Variants in RTN1 observed in about 807,000 individuals in gnomAD.
The protein encoded by RTN1 is reticulon 1.
RTN1 carries 25 observed loss-of-function variants against 65.5 expected under a neutral mutation model. The observed-to-expected ratio is 0.38, with a 90% CI of 0.28 to 0.53. RTN1 has a LOEUF of 0.53. Ranked by LOEUF, RTN1 falls within the 20% of genes least tolerant of loss-of-function variation. RTN1 has a pLI of 0.79. For missense variants in RTN1, 983 were observed against 1,025.4 expected, an observed-to-expected ratio of 0.96 and a Z score of 0.57; for synonymous variants, 471 against 447.6, an observed-to-expected ratio of 1.05 and a Z score of -0.66.
intron 1 of RTN1, among the ~76,000 whole-genome samples, chr14:59,811,756 C>CAA (rs1886733344): frequency 6.6e-6 from 1 of 152,152 alleles, no homozygotes; most frequent in Non-Finnish European, 1.5e-5. Flanking sequence ...CAACATGTCT[C>CAA]CACTTATGGT....
chr14:59,729,539 G>A (rs188278252), intron 2 of RTN1, among the ~76,000 whole-genome samples: 11 of 152,300 alleles, frequency 7.2e-5, no homozygotes, highest in Admixed American at 2.0e-4. Context: ...TTCAGACAGC[G>A]GAAAAGTGTG....
chr14:59,696,242 T>C (rs974349581), intron 3 of RTN1, among the ~76,000 whole-genome samples: 8 of 152,218 alleles, frequency 5.3e-5, no homozygotes, highest in Non-Finnish European at 2.9e-5. Context: ...ACCTTGCTTT[T>C]AAAAGCTGCA....
At chr14:59,749,256 C>CTA (rs1371380044) in intron 1 of RTN1, among the ~76,000 whole-genome samples, 3 of 33,912 alleles carry the variant, frequency 8.8e-5, no homozygotes, top group African/African-American at 4.8e-4. Flanking sequence ...ATCTATATAT[C>CTA]TATATATATC....
At chr14:59,610,786 G>A (rs978208577) in intron 3 of RTN1, among the ~76,000 whole-genome samples, 1 of 152,198 alleles carries the variant, frequency 6.6e-6, no homozygotes, top group African/African-American at 2.4e-5. Flanking sequence ...TCATGCAGCT[G>A]GAGGCTACAA....
chr14:59,799,506 C>G (rs895683601), intron 1 of RTN1, among the ~76,000 whole-genome samples: 1 of 152,184 alleles, frequency 6.6e-6, no homozygotes, highest in Non-Finnish European at 1.5e-5. Flanking sequence ...TGAATTCTTT[C>G]ACCTTTAATA....
At chr14:59,767,374 A>G (rs1885869292) in intron 1 of RTN1, among the ~76,000 whole-genome samples, 1 of 152,196 alleles carries the variant, frequency 6.6e-6, no homozygotes, top group Non-Finnish European at 1.5e-5. Flanking sequence ...GATGAAGGCA[A>G]TACCCAAAGG....
intron 1 of RTN1, among the ~76,000 whole-genome samples, chr14:59,767,465 T>C (rs960388332): frequency 2.0e-4 from 30 of 152,254 alleles, no homozygotes; most frequent in African/African-American, 6.8e-4. Flanking sequence ...ACCTCTGAAC[T>C]GATAAATCAG....
intron 1 of RTN1, among the ~76,000 whole-genome samples, chr14:59,782,833 T>G (rs1886181977): frequency 6.6e-6 from 1 of 151,446 alleles, no homozygotes; most frequent in Non-Finnish European, 1.5e-5. Flanking sequence ...TGGTGCAGTT[T>G]CTCTCTCTCT....
At chr14:59,793,189 T>G (rs184055444) in intron 1 of RTN1, among the ~76,000 whole-genome samples, 1 of 152,292 alleles carries the variant, frequency 6.6e-6, no homozygotes, top group Admixed American at 6.5e-5. Context: ...CTTTTACTAA[T>G]TAACATCAAG....
rs577337987 is a variant in RTN1 at position 59,648,287 on chromosome 14, G to A, written c.1766-40795C>T. Among the ~76,000 whole-genome samples, 4 of 152,274 alleles carry A rather than the reference G, an allele frequency of 2.6e-5. 1 individual carries two copies. In the East Asian group the frequency reaches 7.7e-4, roughly 29 times the overall value. ...CAGACCAATAATGAGCTTTGAAATT[G>A]AATCAGTAATAAATAGTCTATCAAC... is the stretch of plus-strand genomic sequence containing the variant. On this transcript the variant is annotated intron_variant, in intron 3 of 8. Coordinates refer to ENST00000267484, the MANE Select transcript of RTN1 (RefSeq NM_021136.3).
chr14:59,778,280 T>C (rs764598001), intron 1 of RTN1, among the ~76,000 whole-genome samples: 3 of 152,226 alleles, frequency 2.0e-5, no homozygotes, highest in Non-Finnish European at 2.9e-5. Context: ...GTATGCTTCA[T>C]GACAGCAGGG....
At chr14:59,637,460 T>A (rs752889179) in intron 3 of RTN1, among the ~76,000 whole-genome samples, 2 of 152,212 alleles carry the variant, frequency 1.3e-5, no homozygotes, top group African/African-American at 2.4e-5. Context: ...ACGCCTGTAA[T>A]CCCAGCACTT....
At chr14:59,661,161 A>G (rs930784742) in intron 3 of RTN1, among the ~76,000 whole-genome samples, 10 of 151,506 alleles carry the variant, frequency 6.6e-5, no homozygotes, top group African/African-American at 2.2e-4. Context: ...ATTCCTGGAC[A>G]CATACACCCT....
intron 3 of RTN1, among the ~76,000 whole-genome samples, chr14:59,690,416 T>C (rs73309699): frequency 0.019 from 2,932 of 152,218 alleles, 95 homozygotes; most frequent in African/African-American, 0.067. Context: ...TAAATATATA[T>C]GCACCCAACA....
At chr14:59,661,747 G>A (rs1025560638) in intron 3 of RTN1, among the ~76,000 whole-genome samples, 3 of 152,012 alleles carry the variant, frequency 2.0e-5, no homozygotes, top group African/African-American at 7.2e-5. Flanking sequence ...CTGAAGGAAC[G>A]TACCTCAAAA....
intron 1 of RTN1, among the ~76,000 whole-genome samples, chr14:59,783,092 A>G (rs867009843): frequency 7.2e-5 from 11 of 152,184 alleles, no homozygotes; most frequent in Non-Finnish European, 1.2e-4. Flanking sequence ...AGCAAGACAG[A>G]AAAAAGGTTA....
chr14:59,668,005 T>C (rs961378090), intron 3 of RTN1, among the ~76,000 whole-genome samples: 1 of 152,144 alleles, frequency 6.6e-6, no homozygotes, highest in African/African-American at 2.4e-5. Context: ...GAAGAATCAA[T>C]ATGATGAAAA....
At chr14:59,676,806 G>C (rs1286211232) in intron 3 of RTN1, among the ~76,000 whole-genome samples, 2 of 152,110 alleles carry the variant, frequency 1.3e-5, no homozygotes, top group African/African-American at 4.8e-5. Context: ...CTTAAACACT[G>C]AAAAAATAGT....
chr14:59,613,875 T>C (rs554103120), intron 3 of RTN1, among the ~76,000 whole-genome samples: 1 of 152,086 alleles, frequency 6.6e-6, no homozygotes, highest in Non-Finnish European at 1.5e-5. Flanking sequence ...CCTCTCAAAA[T>C]TAAAGGATCT....
Sources: allele counts gnomAD v4.1 joint callset (sites outside exome capture counted in the v4.1 genomes callset), GRCh38; gene constraint gnomAD v4.1.1; transcripts MANE v1.5; gene names NCBI Gene and HGNC (gene_info 2026-07-23, HGNC 2026-07-21).